Variants in IL1RAPL1 observed in about 807,000 individuals in gnomAD.
IL1RAPL1 encodes interleukin-1 receptor accessory protein-like 1.
IL1RAPL1 carries 3 observed loss-of-function variants against 48.4 expected under a neutral mutation model. The observed-to-expected ratio is 0.06, with a 90% CI of 0.03 to 0.16. IL1RAPL1 has a LOEUF of 0.16. IL1RAPL1 is among the 10% of genes least tolerant of loss of function. The pLI, the probability that IL1RAPL1 is intolerant of heterozygous loss-of-function variation, is 1.00. For missense variants in IL1RAPL1, 349 were observed against 530.6 expected (o/e 0.66, Z 3.36); for synonymous variants, 185 against 187.7 (o/e 0.99, Z 0.12).
At chrX:29,653,857 G>A (rs1048027525) in intron 5 of IL1RAPL1, among the ~76,000 whole-genome samples, 3 of 110,221 alleles carry the variant, frequency 2.7e-5, no homozygotes, top group Non-Finnish European at 3.8e-5. Context: ...TAACTTATAG[G>A]TGTTCTGTTT....
chrX:28,617,655 G>A lies in IL1RAPL1; in HGVS notation c.-25+29608G>A, dbSNP rs916080410. ...TTTAAACTGTAGTTTAACCAGATAT[G>A]GGATCTTACTATCCAATTGAACCTA... On this transcript the variant is annotated intron_variant, in intron 1 of 10. Transcript: ENST00000378993. 4.5e-5 allele frequency among the ~76,000 whole-genome samples: 5 copies of A among 111,860 alleles called. No individual in the cohort carries two copies. In the Admixed American group the frequency reaches 4.7e-4, roughly 11 times the overall value.
intron 9 of IL1RAPL1, among the ~76,000 whole-genome samples, chrX:29,948,118 G>A (rs187875463): frequency 9.0e-6 from 1 of 111,108 alleles, no homozygotes; most frequent in African/African-American, 3.3e-5. Flanking sequence ...GACATCTTCA[G>A]GAAGGTGCTA....
intron 1 of IL1RAPL1, among the ~76,000 whole-genome samples, chrX:28,691,972 T>A (rs1288941495): frequency 9.0e-6 from 1 of 111,586 alleles, no homozygotes; most frequent in Non-Finnish European, 1.9e-5. Context: ...CTGCTCTGTT[T>A]CTGGTGAGGG....
intron 2 of IL1RAPL1, among the ~76,000 whole-genome samples, chrX:29,176,528 A>AG (rs1465044633): frequency 9.9e-5 from 11 of 110,829 alleles, no homozygotes; most frequent in African/African-American, 3.3e-4. Context: ...TTATAAATGC[A>AG]CTTACTATGG....
chrX:29,002,090 C>T (rs113855473), intron 2 of IL1RAPL1, among the ~76,000 whole-genome samples: 1,109 of 108,369 alleles, frequency 0.01, 16 homozygotes, highest in African/African-American at 0.035. Flanking sequence ...TTAGTAGAAA[C>T]GGGGTTTCAC....
At chrX:29,364,723 A>T (rs1933426605) in intron 3 of IL1RAPL1, among the ~76,000 whole-genome samples, 1 of 111,226 alleles carries the variant, frequency 9.0e-6, no homozygotes, top group Non-Finnish European at 1.9e-5. Flanking sequence ...TGGATTAGGT[A>T]TTGTAAGTAA....
At chrX:29,543,650 A>C (rs1038037263) in intron 5 of IL1RAPL1, among the ~76,000 whole-genome samples, 2 of 110,947 alleles carry the variant, frequency 1.8e-5, no homozygotes, top group East Asian at 5.6e-4. Flanking sequence ...CAATTCTCTT[A>C]TCTCTAAAAT....
At chrX:29,750,624 C>T (rs747711321) in intron 6 of IL1RAPL1, among the ~76,000 whole-genome samples, 1 of 111,592 alleles carries the variant, frequency 9.0e-6, no homozygotes, top group Admixed American at 9.5e-5. Flanking sequence ...ATTGATACGC[C>T]TACAAGTGTA....
chrX:29,450,542 G>A (rs1934667504), intron 5 of IL1RAPL1, among the ~76,000 whole-genome samples: 2 of 111,712 alleles, frequency 1.8e-5, no homozygotes, highest in African/African-American at 6.5e-5. Flanking sequence ...AGTTTGATAA[G>A]CACTTATCTA....
At chrX:28,631,894 C>T (rs139796280) in intron 1 of IL1RAPL1, among the ~76,000 whole-genome samples, 1 of 112,163 alleles carries the variant, frequency 8.9e-6, no homozygotes, top group Non-Finnish European at 1.9e-5. Context: ...CAAAAGACTC[C>T]GATTTAATAT....
intron 2 of IL1RAPL1, among the ~76,000 whole-genome samples, chrX:29,250,782 T>C (rs1931591924): frequency 9.0e-6 from 1 of 111,551 alleles, no homozygotes; most frequent in Non-Finnish European, 1.9e-5. Flanking sequence ...AATTGGCTCT[T>C]GTTTGCCTAA....
chrX:29,443,873 C>T (rs1180967655), intron 5 of IL1RAPL1, among the ~76,000 whole-genome samples: 1 of 111,545 alleles, frequency 9.0e-6, no homozygotes, highest in Admixed American at 9.5e-5. Context: ...TGAAAGGGGT[C>T]CCAGAAACAG....
intron 6 of IL1RAPL1, among the ~76,000 whole-genome samples, chrX:29,771,564 ATGGCT>A (rs781610359): frequency 1.3e-3 from 148 of 112,097 alleles, no homozygotes; most frequent in Non-Finnish European, 2.5e-3. Flanking sequence ...AGAAACTGTG[ATGGCT>A]TGAATAAGTA....
intron 6 of IL1RAPL1, among the ~76,000 whole-genome samples, chrX:29,896,462 A>T (rs1019841887): frequency 1.8e-5 from 2 of 112,304 alleles, no homozygotes; most frequent in Admixed American, 1.9e-4. Flanking sequence ...AGGTGTGTGC[A>T]TGTGTGGAGT....
At chrX:29,768,854 C>T (rs1316950790) in intron 6 of IL1RAPL1, among the ~76,000 whole-genome samples, 1 of 111,890 alleles carries the variant, frequency 8.9e-6, no homozygotes. Context: ...AGCAAAATCT[C>T]ATGCACATTT....
intron 2 of IL1RAPL1, among the ~76,000 whole-genome samples, chrX:29,097,893 C>A (rs1235162267): frequency 3.6e-5 from 4 of 111,986 alleles, no homozygotes. Flanking sequence ...ATTTAAATGA[C>A]CTTGCTGACT....
At position 29,723,468 on chromosome X, in the gene IL1RAPL1, C is replaced by T. The variant is rs1927694761; in HGVS notation, c.778+54964C>T. 2.7e-5 allele frequency among the ~76,000 whole-genome samples: 3 copies of T among 111,568 alleles called. No individual in the cohort carries two copies. The Admixed American group carries it at 2.8e-4, about 11-fold the overall frequency. On this transcript the variant is annotated intron_variant, in intron 6 of 10. Transcript: ENST00000378993. Reference sequence around the variant, plus strand: ...TTCGCCATGTTGGCCAGGCTGGTCTCGAACTCCTGGCCTCAGGTGATCTGG... The same window carrying T: ...TTCGCCATGTTGGCCAGGCTGGTCTTGAACTCCTGGCCTCAGGTGATCTGG...
intron 2 of IL1RAPL1, among the ~76,000 whole-genome samples, chrX:29,224,699 A>G (rs753354874): frequency 1.8e-5 from 2 of 112,028 alleles, no homozygotes; most frequent in Non-Finnish European, 3.8e-5. Flanking sequence ...TTATTCTGCT[A>G]TGACATTTTT....
chrX:28,916,609 A>G (rs1323690085), intron 2 of IL1RAPL1, among the ~76,000 whole-genome samples: 1 of 111,979 alleles, frequency 8.9e-6, no homozygotes, highest in Non-Finnish European at 1.9e-5. Context: ...ACCTGCAGAG[A>G]TTGTTAAGGG....
Sources: gnomAD v4.1 joint callset for allele counts (sites outside exome capture counted in the v4.1 genomes callset) on GRCh38, gnomAD v4.1.1 for gene constraint, MANE v1.5 for transcripts, NCBI Gene and HGNC (gene_info 2026-07-23, HGNC 2026-07-21) for gene names.